Variants in ZSWIM5 observed in about 807,000 individuals in gnomAD.
ZSWIM5 encodes the protein zinc finger SWIM domain-containing protein 5.
ZSWIM5 carries 55 observed loss-of-function variants against 119.6 expected under a neutral mutation model. The observed-to-expected ratio is 0.46, with a 90% CI of 0.37 to 0.58. The LOEUF is 0.58. Ranked by LOEUF, ZSWIM5 falls within the 20% of genes least tolerant of loss-of-function variation. The pLI is 0.00. For missense variants in ZSWIM5, 1,193 were observed against 1,512.8 expected (o/e 0.79, Z 3.51); for synonymous variants, 537 against 606.9 (o/e 0.88, Z 1.69).
chr1:45,051,263 A>G lies in ZSWIM5; in HGVS notation c.1253-10T>C. ...CACACCCATAAAGCCCCTGGAAAAT[A>G]AAGCAACCCATATTCTTAACATCTC... On this transcript the variant is annotated splice_polypyrimidine_tract_variant and intron_variant, in intron 4 of 13. Coordinates refer to ENST00000359600, the MANE Select transcript of ZSWIM5 (RefSeq NM_020883.2). 1 of 1,611,320 alleles carries G rather than the reference A, an allele frequency of 6.2e-7. No individual in the cohort carries two copies. The highest frequency in any genetic ancestry group is 8.5e-7 in the Non-Finnish European group (1 of 1,178,936).
chr1:45,152,166 C>A (rs149711615), intron 1 of ZSWIM5, among the ~76,000 whole-genome samples: 221 of 152,228 alleles, frequency 1.5e-3, no homozygotes, highest in African/African-American at 5.1e-3. Flanking sequence ...CCATGCTGAA[C>A]TTGAACAGGA....
At chr1:45,179,574 C>A (rs1646003370) in intron 1 of ZSWIM5, among the ~76,000 whole-genome samples, 1 of 152,064 alleles carries the variant, frequency 6.6e-6, no homozygotes, top group South Asian at 2.1e-4. Context: ...AGCAAACCTG[C>A]ACATGTGCCC....
intron 1 of ZSWIM5, among the ~76,000 whole-genome samples, chr1:45,180,330 T>C (rs897929787): frequency 6.6e-6 from 1 of 152,136 alleles, no homozygotes; most frequent in East Asian, 1.9e-4. Flanking sequence ...CACTGATTGC[T>C]AGCACAGCAG....
chr1:45,203,531 T>C (rs1420199578), intron 1 of ZSWIM5, among the ~76,000 whole-genome samples: 1 of 152,084 alleles, frequency 6.6e-6, no homozygotes, highest in Admixed American at 6.5e-5. Context: ...TGTAGAATTC[T>C]TAATTAGCAT....
chr1:45,020,048 G>A lies in ZSWIM5; in HGVS notation c.2695+18C>T. 1.2e-6 allele frequency: 2 copies of A among 1,607,658 alleles called. No homozygotes were observed. The highest frequency in any genetic ancestry group is 1.7e-6 in the Non-Finnish European group (2 of 1,176,122). On this transcript the variant is annotated intron_variant, in intron 13 of 13. Coordinates refer to ENST00000359600, the MANE Select transcript of ZSWIM5 (RefSeq NM_020883.2). ...GAAACTCCTTTCCCCTGGGGGTAGA[G>A]GGAGGTGGGAGACTCACCCACTTCT... is the stretch of plus-strand genomic sequence containing the variant.
intron 2 of ZSWIM5, among the ~76,000 whole-genome samples, chr1:45,075,743 C>T (rs911103522): frequency 1.3e-5 from 2 of 151,998 alleles, no homozygotes; most frequent in Admixed American, 1.3e-4. Context: ...TTAGTCCTGC[C>T]ATTTTGTTAT....
intron 3 of ZSWIM5, 76 bp from the exon 4 acceptor site, chr1:45,058,835 G>C (rs2149000068): frequency 6.5e-7 from 1 of 1,547,988 alleles, no homozygotes; most frequent in East Asian, 2.2e-5. Flanking sequence ...GTGGGGGAGG[G>C]GGAAGTGAAG....
intron 2 of ZSWIM5, among the ~76,000 whole-genome samples, chr1:45,071,723 T>C: frequency 6.6e-6 from 1 of 152,110 alleles, no homozygotes; most frequent in African/African-American, 2.4e-5. Context: ...CCTCCCAAAG[T>C]GCTAGGACTA....
chr1:45,022,902 G>C (rs1281793949), intron 11 of ZSWIM5, among the ~76,000 whole-genome samples: 1 of 152,170 alleles, frequency 6.6e-6, no homozygotes, highest in Non-Finnish European at 1.5e-5. Flanking sequence ...ATTACACGTG[G>C]ATTCAACATA....
In ZSWIM5 at chr1:45,145,348, A is replaced by C. The variant is rs551892685; in HGVS notation, c.596-57111T>G. 3.4e-4 allele frequency among the ~76,000 whole-genome samples: 52 copies of C among 151,560 alleles called. 1 individual carries two copies. In the East Asian group the frequency reaches 6.4e-3, roughly 19 times the overall value. On this transcript the variant is annotated intron_variant, in intron 1 of 13. Coordinates refer to ENST00000359600, the MANE Select transcript of ZSWIM5 (RefSeq NM_020883.2). ...GAGAAATGAAAAGTTACGTTAACAA[A>C]AAAAAAAAAAAACTGGTTATCAACA...
At chr1:45,092,551 C>G (rs978628916) in intron 1 of ZSWIM5, among the ~76,000 whole-genome samples, 1 of 121,560 alleles carries the variant, frequency 8.2e-6, no homozygotes, top group Non-Finnish European at 1.9e-5. Context: ...CCCCCCCCCC[C>G]GCCAGCCTTA....
chr1:45,120,839 T>C (rs1645586968), intron 1 of ZSWIM5, among the ~76,000 whole-genome samples: 1 of 152,154 alleles, frequency 6.6e-6, no homozygotes, highest in African/African-American at 2.4e-5. Flanking sequence ...CTTCTAAACC[T>C]ATACACTATT....
intron 1 of ZSWIM5, among the ~76,000 whole-genome samples, chr1:45,165,289 C>T (rs1426787010): frequency 6.6e-6 from 1 of 152,074 alleles, no homozygotes; most frequent in Non-Finnish European, 1.5e-5. Context: ...ACACAACATA[C>T]CAGAATCTCT....
At chr1:45,050,646 T>G (rs1053045986) in intron 5 of ZSWIM5, among the ~76,000 whole-genome samples, 71 of 152,260 alleles carry the variant, frequency 4.7e-4, no homozygotes, top group African/African-American at 1.4e-3. Flanking sequence ...GTATAAAAAT[T>G]TGAGGAAAAC....
At chr1:45,136,223 A>T (rs1645688526) in intron 1 of ZSWIM5, among the ~76,000 whole-genome samples, 1 of 152,186 alleles carries the variant, frequency 6.6e-6, no homozygotes, top group Admixed American at 6.5e-5. Flanking sequence ...ATTGAAGTTC[A>T]CAACAGGTCA....
At chr1:45,024,989 T>C (rs936343461) in intron 11 of ZSWIM5, among the ~76,000 whole-genome samples, 1 of 152,214 alleles carries the variant, frequency 6.6e-6, no homozygotes, top group African/African-American at 2.4e-5. Context: ...GTGTTTTACC[T>C]TTAGGTCTAT....
intron 2 of ZSWIM5, among the ~76,000 whole-genome samples, chr1:45,073,965 CT>C (rs1454776152): frequency 6.6e-6 from 1 of 151,890 alleles, no homozygotes; most frequent in East Asian, 1.9e-4. Flanking sequence ...TTATCAAGTG[CT>C]TTTTCAGCAT....
rs375704899 is a variant in ZSWIM5, at chr1:45,017,119, T to C, written c.*1335A>G. 2 of 152,064 alleles carry C rather than the reference T, an allele frequency of 1.3e-5. No homozygotes were observed. 9.4% of individuals were successfully genotyped at this position (152,064 alleles called of 1,614,324 possible). On this transcript the variant is annotated 3_prime_UTR_variant, in exon 14 of 14. Transcript: ENST00000359600. The stretch of plus-strand genomic sequence containing the variant: ...GAAGCTTGTTTGGTGAGAGAATGAA[T>C]AGAGGAGGCACAGAGATGGGGAACA...
intron 1 of ZSWIM5, among the ~76,000 whole-genome samples, chr1:45,165,229 T>G (rs1271600285): frequency 2.0e-5 from 3 of 151,936 alleles, no homozygotes; most frequent in African/African-American, 7.2e-5. Flanking sequence ...GGGTACATAA[T>G]GAAATGAAGG....
Sources: allele counts gnomAD v4.1 joint callset (sites outside exome capture counted in the v4.1 genomes callset), GRCh38; gene constraint gnomAD v4.1.1; transcripts MANE v1.5; gene names NCBI Gene and HGNC (gene_info 2026-07-23, HGNC 2026-07-21).